SPAG17: variants seen among roughly 807,000 people sequenced by gnomAD.
SPAG17 encodes sperm associated antigen 17.
In SPAG17, 169 loss-of-function variants were observed where a neutral mutation model predicts 273.6. That is an observed-to-expected ratio of 0.62 (90% confidence interval 0.55 to 0.70). The LOEUF (loss-of-function observed/expected upper bound fraction) is 0.70, where lower values mean the gene tolerates loss of function less well. Among genes scored for constraint, SPAG17 ranks in the 30% least tolerant of loss-of-function variants. The pLI is 0.00. For missense variants in SPAG17, 2,557 were observed against 2,627.8 expected, an observed-to-expected ratio of 0.97 and a Z score of 0.59; for synonymous variants, 825 against 873.2, an observed-to-expected ratio of 0.94 and a Z score of 0.97.
At chr1:118,087,176 A>C in intron 10 of SPAG17, 168 bp from the exon 11 acceptor site, 1 of 564,916 alleles carries the variant, frequency 1.8e-6, no homozygotes, top group Non-Finnish European at 2.8e-6. Flanking sequence ...ACCAAGTAAA[A>C]GGAAAAGTGT....
chr1:118,055,380 T>C (rs1651554332), intron 19 of SPAG17, among the ~76,000 whole-genome samples: 1 of 152,198 alleles, frequency 6.6e-6, no homozygotes, highest in Admixed American at 6.5e-5. Context: ...CTACTAACTC[T>C]GAATTTACCT....
intron 15 of SPAG17, among the ~76,000 whole-genome samples, chr1:118,080,307 T>C (rs1166306623): frequency 6.6e-6 from 1 of 152,018 alleles, no homozygotes; most frequent in African/African-American, 2.4e-5. Flanking sequence ...CTAGTCATAG[T>C]CAAAAAGAGA....
intron 45 of SPAG17, among the ~76,000 whole-genome samples, 164 bp from the exon 46 acceptor site, chr1:117,970,280 T>G (rs1244061490): frequency 1.3e-5 from 2 of 152,196 alleles, no homozygotes; most frequent in Non-Finnish European, 2.9e-5. Flanking sequence ...GGGAGAAGAA[T>G]CTGGGGCCCA....
At chr1:118,026,437 A>G (rs1647760303) in intron 26 of SPAG17, among the ~76,000 whole-genome samples, 3 of 152,210 alleles carry the variant, frequency 2.0e-5, no homozygotes, top group African/African-American at 7.2e-5. Flanking sequence ...TAAGAACTAT[A>G]TATCAGGCTA....
At chr1:118,168,303 GA>G (rs1660264524) in intron 1 of SPAG17, among the ~76,000 whole-genome samples, 1 of 152,150 alleles carries the variant, frequency 6.6e-6, no homozygotes, top group Non-Finnish European at 1.5e-5. Context: ...GGAAAAGTTG[GA>G]GTTTGGGTCT....
chr1:118,051,544 T>TACACACACACACACAC (rs147508671), intron 20 of SPAG17, among the ~76,000 whole-genome samples: 6 of 148,426 alleles, frequency 4.0e-5, no homozygotes, highest in African/African-American at 1.5e-4. Context: ...AAATTTGAGA[T>TACACACACACACACAC]ACACACACAC....
intron 17 of SPAG17, 41 bp downstream of exon 17, chr1:118,073,813 C>T (rs1653838172): frequency 1.5e-6 from 2 of 1,377,864 alleles, no homozygotes; most frequent in East Asian, 2.4e-5. Context: ...ACTCTCCAGA[C>T]CTATCTGACC....
Position 118,042,033 on chromosome 1 carries a change from C to T in SPAG17, c.2824G>A (p.Glu942Lys), listed in dbSNP as rs752141683. 5 of 1,610,068 alleles carry T rather than the reference C, an allele frequency of 3.1e-6. No homozygotes were observed. Among genetic ancestry groups the T allele is most frequent in the Non-Finnish European group, 4.2e-6 (5 of 1,179,080 alleles). The stretch of plus-strand genomic sequence containing the variant: ...TCTTCTGCTAATCGATGTTGCTCTT[C>T]TTTCCATGCCTGTAAACACATTTAA... ...ILEGSLKAWK[E>K]EQHRLAEEER... The change falls in exon 21 of 49, where the codon GAA becomes AAA. Residue 942 changes from glutamate (E) to lysine (K), a missense_variant. Coordinates refer to ENST00000336338, the MANE Select transcript of SPAG17 (RefSeq NM_206996.4).
At position 118,099,755 on chromosome 1, in the gene SPAG17, C is replaced by T; in HGVS notation, c.680G>A (p.Gly227Asp). The change falls in exon 6 of 49, where the codon GGC (glycine) becomes GAC (aspartate). Residue 227 changes from glycine (G) to aspartate (D), a missense_variant. Gly to Asp is a moderately conservative substitution (Grantham distance 94). Transcript: ENST00000336338. ...DGAQHYIIVV[G>D]FNNPQLLAIM... The stretch of plus-strand genomic sequence containing the variant: ...TGCTAATAGCTGAGGATTGTTAAAG[C>T]CCACAACTATAATGTAATGTTGGGC... 1 of 1,613,272 alleles carries T rather than the reference C, an allele frequency of 6.2e-7. No homozygotes were observed. The highest frequency in any genetic ancestry group is 8.5e-7 in the Non-Finnish European group (1 of 1,179,918).
chr1:118,143,356 C>T (rs1658782393), intron 3 of SPAG17, among the ~76,000 whole-genome samples: 1 of 152,094 alleles, frequency 6.6e-6, no homozygotes, highest in Non-Finnish European at 1.5e-5. Context: ...GTTACCTAAC[C>T]AGTCTGATTC....
rs146170553 is a variant in SPAG17, at chr1:118,001,649, G to T, written c.4776+3765C>A. 9.7e-4 allele frequency among the ~76,000 whole-genome samples: 147 copies of T among 152,220 alleles called. 2 individuals are homozygous for T. The highest frequency in any genetic ancestry group is 3.5e-3 in the African/African-American group (144 of 41,528). On this transcript the variant is annotated intron_variant, in intron 32 of 48. Transcript: ENST00000336338. ...TTCTCTGATGGTAGTTTGTATTTCT[G>T]TGGTATCCGTGGTCATATCTCTTTT...
intron 43 of SPAG17, among the ~76,000 whole-genome samples, chr1:117,974,189 G>A (rs1164713027): frequency 3.3e-5 from 5 of 152,016 alleles, no homozygotes; most frequent in Non-Finnish European, 7.4e-5. Flanking sequence ...ATCTAGTAAT[G>A]GAATTGCTGG....
intron 1 of SPAG17, among the ~76,000 whole-genome samples, chr1:118,153,705 C>T (rs968942752): frequency 6.6e-6 from 1 of 151,896 alleles, no homozygotes; most frequent in East Asian, 2.0e-4. Context: ...AAAATTTAGC[C>T]GGGTGTGGTG....
In SPAG17 at chr1:118,054,040, T is replaced by C. The variant is rs766599752; in HGVS notation, c.2776A>G (p.Lys926Glu). The part of the protein sequence containing the change: ...EISDQEKEKE[K>E]EKIPFILEGS... ...TCTAAAATGAAAGGAATCTTTTCCT[T>C]CTCTTTTTCTTTTTCTTGATCTGAT... The change falls in exon 20 of 49, where the codon AAG becomes GAG. Residue 926 changes from lysine (K) to glutamate (E), a missense_variant. Lys to Glu is a moderately conservative substitution (Grantham distance 56). Transcript: ENST00000336338. 2 of 1,608,922 alleles carry C rather than the reference T, an allele frequency of 1.2e-6. No homozygotes were observed. Among genetic ancestry groups the C allele is most frequent in the Non-Finnish European group, 1.7e-6 (2 of 1,177,658 alleles).
At position 118,136,832 on chromosome 1, in the gene SPAG17, T is replaced by TGTGTGTGTGTG. The variant is rs1558037921; in HGVS notation, c.315+13710_315+13711insCACACACACAC. On this transcript the variant is annotated intron_variant, in intron 3 of 48. Coordinates refer to ENST00000336338, the MANE Select transcript of SPAG17 (RefSeq NM_206996.4). The stretch of plus-strand genomic sequence containing the variant: ...GTGTGTGTGTGTGTGTGTGTGTGTG[T>TGTGTGTGTGTG]TTTTAATGATGGAGGAATCATGAAA... 4.7e-5 allele frequency among the ~76,000 whole-genome samples: 7 copies of TGTGTGTGTGTG among 150,032 alleles called. No individual in the cohort carries two copies. The South Asian group carries it at 6.5e-4, about 14-fold the overall frequency.
rs115840066 is a variant in SPAG17, at chr1:118,019,217, G to A, written c.4070-3035C>T. On this transcript the variant is annotated intron_variant, in intron 28 of 48. Transcript: ENST00000336338. ...TCTATAATACTTTAGATATTGAAATGATCAGACACAGAATCTAAAATGCAT... is the reference window on the plus strand; with the variant it reads ...TCTATAATACTTTAGATATTGAAATAATCAGACACAGAATCTAAAATGCAT... 6.4e-3 allele frequency among the ~76,000 whole-genome samples: 978 copies of A among 151,964 alleles called. 3 individuals are homozygous for A. Among genetic ancestry groups the A allele is most frequent in the Non-Finnish European group, 0.012 (803 of 67,972 alleles).
chr1:118,149,439 C>T (rs960911061), intron 3 of SPAG17, among the ~76,000 whole-genome samples: 6 of 152,142 alleles, frequency 3.9e-5, no homozygotes, highest in East Asian at 1.9e-4. Flanking sequence ...TCTATAGCCA[C>T]TCACAAGAAA....
At chr1:118,046,763 G>A (rs1650401895) in intron 20 of SPAG17, among the ~76,000 whole-genome samples, 1 of 152,132 alleles carries the variant, frequency 6.6e-6, no homozygotes, top group African/African-American at 2.4e-5. Flanking sequence ...AAGAAAAATA[G>A]AATTCTTTTT....
intron 3 of SPAG17, among the ~76,000 whole-genome samples, chr1:118,126,263 T>C (rs1657727466): frequency 6.9e-6 from 1 of 145,420 alleles, no homozygotes; most frequent in Non-Finnish European, 1.5e-5. Context: ...TGGAGTGCAG[T>C]GGCGCGATCT....
Sources: allele counts gnomAD v4.1 joint callset (sites outside exome capture counted in the v4.1 genomes callset), GRCh38; gene constraint gnomAD v4.1.1; transcripts MANE v1.5; gene names NCBI Gene and HGNC (gene_info 2026-07-23, HGNC 2026-07-21).